The following TNKS1BP1 variants were observed in gnomAD, a reference collection of about 807,000 sequenced individuals.
The protein encoded by TNKS1BP1 is 182 kDa tankyrase-1-binding protein.
In TNKS1BP1, 48 loss-of-function variants were observed where a neutral mutation model predicts 141.1. The observed-to-expected ratio is 0.34, with a 90% CI of 0.27 to 0.43. The LOEUF (loss-of-function observed/expected upper bound fraction) is 0.43. Ranked by LOEUF, TNKS1BP1 falls within the 20% of genes least tolerant of loss-of-function variation. The probability of loss-of-function intolerance (pLI) is 1.00; values close to 1 mark genes in which losing one functional copy is unlikely to be tolerated. For missense variants in TNKS1BP1, 2,149 were observed against 2,226.0 expected (o/e 0.97, Z 0.70); for synonymous variants, 875 against 898.2 (o/e 0.97, Z 0.46).
intron 6 of TNKS1BP1, among the ~76,000 whole-genome samples, chr11:57,306,171 A>T (rs1010432204): frequency 1.3e-5 from 2 of 152,022 alleles, no homozygotes; most frequent in African/African-American, 4.8e-5. Context: ...CCAGCTACTC[A>T]GGAGGCTGAG....
At chr11:57,306,600 G>C (rs1855614800) in intron 6 of TNKS1BP1, among the ~76,000 whole-genome samples, 1 of 152,108 alleles carries the variant, frequency 6.6e-6, no homozygotes, top group Non-Finnish European at 1.5e-5. Context: ...GCTTTTTGAG[G>C]AGCCGTGCTT....
intron 1 of TNKS1BP1, chr11:57,322,407 ACT>A (rs1855902905): frequency 1.4e-6 from 1 of 694,812 alleles, no homozygotes; most frequent in Non-Finnish European, 1.7e-6. Context: ...CCCCCTTCCC[ACT>A]CACCCTCCTT....
rs775083299 is a variant in TNKS1BP1 at position 57,301,942 on chromosome 11, C to T, written c.4836G>A (p.Glu1612=). Residue 1612 remains glutamate (E), a splice_region_variant and synonymous_variant, in exon 9 of 12, where the codon GAG becomes GAA. Coordinates refer to ENST00000358252, the MANE Select transcript of TNKS1BP1 (RefSeq NM_033396.3). ...AAGATGGCACCCGAGATGCCCGTGG[C>T]TCTGCAAAGGCCCGGGAAAGGGGCT... ...SDAHLFQDST[E]PRASRVPSSD... is the part of the protein sequence containing the mutation. The T allele has an allele frequency of 1.1e-5, 17 of 1,613,504 alleles. No homozygotes were observed. Among genetic ancestry groups the T allele is most frequent in the Non-Finnish European group, 1.4e-5 (16 of 1,179,718 alleles).
At chr11:57,301,981 A>G in intron 8 of TNKS1BP1, 38 bp from the exon 9 acceptor site, 1 of 1,610,346 alleles carries the variant, frequency 6.2e-7, no homozygotes, top group Non-Finnish European at 8.5e-7. Context: ...AAAAGGCAGC[A>G]CACCCAGACT....
chr11:57,312,044 G>A (rs527301289), intron 5 of TNKS1BP1, among the ~76,000 whole-genome samples: 2 of 152,276 alleles, frequency 1.3e-5, no homozygotes, highest in African/African-American at 4.8e-5. Flanking sequence ...TGAGGCAGAG[G>A]GCAGAAAAGT....
intron 6 of TNKS1BP1, 77 bp downstream of exon 6, chr11:57,308,318 T>A: frequency 6.6e-7 from 1 of 1,511,584 alleles, no homozygotes; most frequent in Non-Finnish European, 8.9e-7. Flanking sequence ...GTTTCTTCCC[T>A]CCTCAGAAAG....
Position 57,324,943 on chromosome 11 carries a change from A to T in TNKS1BP1, c.-169T>A. 1 of 992,416 alleles carries T rather than the reference A, an allele frequency of 1.0e-6. No individual in the cohort carries two copies. Among genetic ancestry groups the T allele is most frequent in the Non-Finnish European group, 1.2e-6 (1 of 835,778 alleles). The allele number at this position is 992,416 out of a possible 1,614,324, so 61.5% of individuals were successfully genotyped here. A position where few individuals can be genotyped will look rare whatever the true frequency, so the allele number is the denominator to read the frequency against. On this transcript the variant is annotated 5_prime_UTR_variant, in exon 1 of 12. Transcript: ENST00000358252. ...CCGCCGCCGCCGTCACCGCGGGACG[A>T]AGCCACTGCGAGCCCCGGCGGGGCC...
chr11:57,320,546 G>A lies in TNKS1BP1; in HGVS notation c.261C>T (p.Pro87=). ...GGCGCTTGCTGCCACCATAGGGCTG[G>A]GGTCCTGCCAGCATGTTCATCTTCC... ...SARKMNMLAG[P]QPYGGSKRPL... Residue 87 remains proline, a synonymous_variant, in exon 3 of 12, where the codon CCC becomes CCT. Coordinates refer to ENST00000358252, the MANE Select transcript of TNKS1BP1 (RefSeq NM_033396.3). The A allele has an allele frequency of 6.2e-7, 1 of 1,614,076 alleles. No homozygotes were observed. The highest frequency in any genetic ancestry group is 8.5e-7 in the Non-Finnish European group (1 of 1,179,968).
At chr11:57,310,593 G>A (rs557472508) in intron 5 of TNKS1BP1, 37 bp from the exon 6 acceptor site, 8 of 1,574,444 alleles carry the variant, frequency 5.1e-6, no homozygotes, top group South Asian at 2.3e-5. Flanking sequence ...AAGAAACAAC[G>A]ATTAGATTCC....
At position 57,308,677 on chromosome 11, in the gene TNKS1BP1, G is replaced by A. The variant is rs558897509; in HGVS notation, c.4034C>T (p.Thr1345Ile). 1.2e-5 allele frequency: 19 copies of A among 1,612,864 alleles called. No individual in the cohort carries two copies. In the South Asian group the frequency reaches 1.4e-4, roughly 12 times the overall value. ...CACATTCTGGGGCGCCAAGTCCTGGGTCCAGTCCATCTGCCCCACTCCACA... is the reference window on the plus strand; with the variant it reads ...CACATTCTGGGGCGCCAAGTCCTGGATCCAGTCCATCTGCCCCACTCCACA... ...RGCGVGQMDW[T>I]QDLAPQNVEL... is the part of the protein sequence containing the mutation. The change falls in exon 6 of 12, where the codon ACC (threonine) becomes ATC (isoleucine). Residue 1345 changes from threonine to isoleucine, a missense_variant. Coordinates refer to ENST00000358252, the MANE Select transcript of TNKS1BP1 (RefSeq NM_033396.3).
Position 57,313,669 on chromosome 11 carries a change from C to T in TNKS1BP1, c.1019G>A (p.Ser340Asn), listed in dbSNP as rs1855753819. 1.3e-6 allele frequency: 2 copies of T among 1,566,062 alleles called. No homozygotes were observed. The highest frequency in any genetic ancestry group is 1.4e-5 in the African/African-American group (1 of 74,008). The part of the protein sequence containing the change: ...PCPAVTPSAP[S>N]AALPDEGSRH... ...GGAGCCCTCGTCAGGCAGGGCTGCA[C>T]TTGGAGCTGATGGAGTCACAGCGGG... The change falls in exon 5 of 12, where the codon AGT becomes AAT. Residue 340 changes from serine (S) to asparagine (N), a missense_variant. By Grantham distance (46) the Ser-to-Asn change is conservative. Transcript: ENST00000358252.
chr11:57,313,792 G>C lies in TNKS1BP1; in HGVS notation c.896C>G (p.Pro299Arg). The C allele has an allele frequency of 6.3e-7, 1 of 1,591,758 alleles. No homozygotes were observed. The highest frequency in any genetic ancestry group is 8.5e-7 in the Non-Finnish European group (1 of 1,170,052). Residue 299 changes from proline (P) to arginine (R), a missense_variant, in exon 5 of 12, where the codon CCT (proline) becomes CGT (arginine). Pro to Arg is a moderately radical substitution (Grantham distance 103, BLOSUM62 -2). Coordinates refer to ENST00000358252, the MANE Select transcript of TNKS1BP1 (RefSeq NM_033396.3). ...GLPAEASGSG[P>R]GSPHLHPPDK... is the part of the protein sequence containing the mutation. ...AGGCGGGTGAAGATGGGGAGAGCCA[G>C]GGCCTGAGCCTGAGGCTTCTGCGGG...
rs751308430 is a variant in TNKS1BP1, at chr11:57,302,257, G to T, written c.4684-33C>A. On this transcript the variant is annotated intron_variant, in intron 7 of 11. Coordinates refer to ENST00000358252, the MANE Select transcript of TNKS1BP1 (RefSeq NM_033396.3). This position sits in a 1 kb window ranked among gnomAD's most constrained non-coding sequence, Gnocchi z 5.5. Reference sequence around the variant, plus strand: ...GGGCAATGGTGACACCACTGCCATTGCTGCCTCATCCCACGGGAGCCCCTC... The same window carrying T: ...GGGCAATGGTGACACCACTGCCATTTCTGCCTCATCCCACGGGAGCCCCTC... The T allele has an allele frequency of 2.3e-5, 37 of 1,592,670 alleles. No individual in the cohort carries two copies. The highest frequency in any genetic ancestry group is 3.0e-5 in the Non-Finnish European group (35 of 1,167,242).
At chr11:57,308,058 G>A (rs1038698119) in intron 6 of TNKS1BP1, among the ~76,000 whole-genome samples, 9 of 152,166 alleles carry the variant, frequency 5.9e-5, no homozygotes, top group African/African-American at 2.2e-4. Flanking sequence ...CCTGGGGAAC[G>A]GCTACTGTGT....
Position 57,302,585 on chromosome 11 carries a change from TTC to T in TNKS1BP1, c.4555_4556del (p.Glu1519ArgfsTer42). ...AAGAGCCCCAGGTGCCATCCACGTC[TTC>T]TGTCTGGCTGGCCTCACCATCAGGC... Reference protein sequence around the residue: ...PQPDGEASQTEDVDGTWGSSA... With the variant: ...PQPDGEASQTXDVDGTWGSSA... On this transcript the variant is annotated frameshift_variant, in exon 7 of 12. Transcript: ENST00000358252. LOFTEE classifies it high-confidence loss of function. This position sits in a 1 kb window ranked among gnomAD's most constrained non-coding sequence, Gnocchi z 5.5. The T allele has an allele frequency of 6.2e-7, 1 of 1,613,090 alleles. No homozygotes were observed. The highest frequency in any genetic ancestry group is 8.5e-7 in the Non-Finnish European group (1 of 1,179,922).
chr11:57,323,621 G>A (rs1038169452), intron 1 of TNKS1BP1, among the ~76,000 whole-genome samples: 9 of 152,168 alleles, frequency 5.9e-5, no homozygotes, highest in Admixed American at 5.2e-4. Flanking sequence ...AGGGTATGAA[G>A]ACAGTAGAGA....
chr11:57,304,041 C>T (rs894532394), intron 6 of TNKS1BP1, among the ~76,000 whole-genome samples: 7 of 152,104 alleles, frequency 4.6e-5, no homozygotes, highest in African/African-American at 1.4e-4. Flanking sequence ...GTCACTCCCC[C>T]AGATGGACCT....
chr11:57,310,234 C>A lies in TNKS1BP1; in HGVS notation c.2477G>T (p.Gly826Val). ...CTGAGTGCCAAGCTGGGCTGGCTTTCCAACTACCCGGTCCTGGGCTGTGAG... is the reference window on the plus strand; with the variant it reads ...CTGAGTGCCAAGCTGGGCTGGCTTTACAACTACCCGGTCCTGGGCTGTGAG... ...GVLTAQDRVV[G>V]KPAQLGTQRS... is the part of the protein sequence containing the mutation. The change falls in exon 6 of 12, where the codon GGA (glycine) becomes GTA (valine). Residue 826 changes from glycine to valine, a missense_variant. Physicochemically the swap from Gly to Val is moderately radical, Grantham distance 109 (BLOSUM62 -3). Coordinates refer to ENST00000358252, the MANE Select transcript of TNKS1BP1 (RefSeq NM_033396.3). 1 of 1,614,196 alleles carries A rather than the reference C, an allele frequency of 6.2e-7. No homozygotes were observed. Among genetic ancestry groups the A allele is most frequent in the South Asian group, 1.1e-5 (1 of 91,086 alleles).
At chr11:57,310,699 T>C in intron 5 of TNKS1BP1, 143 bp from the exon 6 acceptor site, 1 of 1,069,624 alleles carries the variant, frequency 9.3e-7, no homozygotes, top group Non-Finnish European at 1.3e-6. Context: ...AGCAAATCAC[T>C]TAACCACTCT....
Sources: gnomAD v4.1 joint callset for allele counts (sites outside exome capture counted in the v4.1 genomes callset) on GRCh38, gnomAD v4.1.1 for gene constraint, Gnocchi (gnomAD v3.1) non-coding constraint, MANE v1.5 for transcripts, NCBI Gene and HGNC (gene_info 2026-07-23, HGNC 2026-07-21) for gene names.